Variants in PIWIL3 observed in about 807,000 individuals in gnomAD.
The protein encoded by PIWIL3 is piwi like RNA-mediated gene silencing 3, also known as piwi-like protein 3.
PIWIL3 carries 101 observed loss-of-function variants against 109.7 expected under a neutral mutation model. The ratio of observed to expected loss-of-function variants is 0.92; its 90% confidence interval spans 0.78 to 1.09. PIWIL3 has a LOEUF of 1.09. Among genes scored for constraint, PIWIL3 ranks in the 50% least tolerant of loss-of-function variants. The pLI, the probability that PIWIL3 is intolerant of heterozygous loss-of-function variation, is 0.00. For synonymous variants in PIWIL3, 373 were observed against 376.4 expected (o/e 0.99, Z 0.10); for missense variants, 1,031 against 1,072.6 (o/e 0.96, Z 0.54).
intron 20 of PIWIL3, 76 bp downstream of exon 20, chr22:24,719,672 T>A: frequency 6.5e-7 from 1 of 1,545,602 alleles, no homozygotes; most frequent in African/African-American, 1.4e-5. Flanking sequence ...AGAAGCCAGT[T>A]CAGAGGTCCA....
At chr22:24,748,709 T>A (rs12159250) in intron 12 of PIWIL3, among the ~76,000 whole-genome samples, 198 bp downstream of exon 12, 1 of 152,192 alleles carries the variant, frequency 6.6e-6, no homozygotes, top group Non-Finnish European at 1.5e-5. Flanking sequence ...ATTAATTAGA[T>A]AGACATAATA....
intron 12 of PIWIL3, among the ~76,000 whole-genome samples, chr22:24,748,528 A>G (rs888859295): frequency 3.9e-5 from 6 of 152,242 alleles, no homozygotes; most frequent in African/African-American, 1.4e-4. Flanking sequence ...TACCACATGT[A>G]ACCCATAAAT....
chr22:24,719,796 TG>T lies in PIWIL3; in HGVS notation c.2456del (p.Thr819LysfsTer5). On this transcript the variant is annotated frameshift_variant, in exon 20 of 21. Transcript: ENST00000616349. LOFTEE classifies it low-confidence loss of function (END_TRUNC). ...ATAGACAATATGTTAAACGCTGTACTGTATCTGGGCTCAAGCCAATCGTGTC... is the reference window on the plus strand; with the variant it reads ...ATAGACAATATGTTAAACGCTGTACTTATCTGGGCTCAAGCCAATCGTGTC... Reference protein sequence around the residue: ...IYDTIGLSPDTVQRLTYCLCH... With the variant: ...IYDTIGLSPDXVQRLTYCLCH... 1 of 1,613,328 alleles carries T rather than the reference TG, an allele frequency of 6.2e-7. No homozygotes were observed. Among genetic ancestry groups the T allele is most frequent in the Non-Finnish European group, 8.5e-7 (1 of 1,179,248 alleles).
rs201839278 is a variant in PIWIL3 at position 24,734,838 on chromosome 22, G to GA, written c.1635-683dup. On this transcript the variant is annotated intron_variant, in intron 13 of 20. Transcript: ENST00000616349. ...AACATAACTTTTTTTTTTTTTTTTAGAAAAAAAAACCAAAAAAAACAACGT... is the reference window on the plus strand; with the variant it reads ...AACATAACTTTTTTTTTTTTTTTTAGAAAAAAAAAACCAAAAAAAACAACGT... Among the ~76,000 whole-genome samples, 494 of 121,808 alleles carry GA rather than the reference G, an allele frequency of 4.1e-3. 6 individuals carry two copies. The highest frequency in any genetic ancestry group is 6.8e-3 in the Admixed American group (84 of 12,298). 79.9% of individuals were successfully genotyped at this position (121,808 alleles called of 152,430 possible). A position where few individuals can be genotyped will look rare whatever the true frequency, so the allele number is the denominator to read the frequency against.
chr22:24,757,690 ACAC>A (rs1925167137), intron 4 of PIWIL3, among the ~76,000 whole-genome samples: 1 of 132,776 alleles, frequency 7.5e-6, no homozygotes, highest in African/African-American at 3.0e-5. Flanking sequence ...ACACACACAC[ACAC>A]ACACACATTC....
intron 12 of PIWIL3, among the ~76,000 whole-genome samples, chr22:24,747,253 T>C (rs1251700775): frequency 1.3e-5 from 2 of 151,876 alleles, no homozygotes; most frequent in African/African-American, 2.4e-5. Context: ...TGTATATCCA[T>C]ATGCGGAAGA....
At chr22:24,721,174 A>C (rs1251281680) in intron 19 of PIWIL3, among the ~76,000 whole-genome samples, 1 of 152,060 alleles carries the variant, frequency 6.6e-6, no homozygotes, top group East Asian at 1.9e-4. Flanking sequence ...TTTCACTGTC[A>C]CCCTTGATAA....
intron 1 of PIWIL3, among the ~76,000 whole-genome samples, chr22:24,769,080 A>C (rs5760630): frequency 0.47 from 71,156 of 151,952 alleles, 17,065 homozygotes; most frequent in East Asian, 0.59. Context: ...TCCACAGTCT[A>C]CCGCTGATAC....
intron 1 of PIWIL3, among the ~76,000 whole-genome samples, 193 bp downstream of exon 1, chr22:24,774,129 C>T (rs1308133614): frequency 2.6e-5 from 4 of 152,100 alleles, no homozygotes; most frequent in African/African-American, 9.7e-5. Flanking sequence ...AACTTTTTTT[C>T]CTTTCCCCTT....
In PIWIL3 at chr22:24,755,781, T is replaced by G; in HGVS notation, c.692+3A>C. 6.2e-7 allele frequency: 1 copy of G among 1,613,856 alleles called. No individual in the cohort carries two copies. The highest frequency in any genetic ancestry group is 8.5e-7 in the Non-Finnish European group (1 of 1,179,844). ...TCAAAGAAACTCAACCCCGGTAACA[T>G]ACCTTCTAAAGAGAATGTTGTAATA... On this transcript the variant is annotated splice_donor_region_variant and intron_variant, in intron 6 of 20. Transcript: ENST00000616349.
At chr22:24,770,094 T>G in intron 1 of PIWIL3, among the ~76,000 whole-genome samples, 1 of 152,220 alleles carries the variant, frequency 6.6e-6, no homozygotes, top group East Asian at 1.9e-4. Context: ...TGCAGCTTGT[T>G]GAGCCACCCT....
At chr22:24,726,314 GCT>G (rs1035393519) in intron 16 of PIWIL3, among the ~76,000 whole-genome samples, 7 of 148,934 alleles carry the variant, frequency 4.7e-5, no homozygotes, top group Non-Finnish European at 7.4e-5. Flanking sequence ...ACGGAGTCTC[GCT>G]CTGTCACCCA....
At chr22:24,763,083 G>GC (rs897760773) in intron 1 of PIWIL3, among the ~76,000 whole-genome samples, 4 of 151,562 alleles carry the variant, frequency 2.6e-5, no homozygotes, top group Non-Finnish European at 5.9e-5. Flanking sequence ...AAGACTGACT[G>GC]CCCCCCGAGT....
intron 12 of PIWIL3, among the ~76,000 whole-genome samples, chr22:24,743,312 T>C (rs561561853): frequency 1.3e-5 from 2 of 152,236 alleles, no homozygotes; most frequent in East Asian, 1.9e-4. Context: ...GACTACAAGA[T>C]CTACCATTTG....
At chr22:24,721,881 A>T (rs1922694400) in intron 19 of PIWIL3, among the ~76,000 whole-genome samples, 1 of 152,184 alleles carries the variant, frequency 6.6e-6, no homozygotes, top group Non-Finnish European at 1.5e-5. Flanking sequence ...GCATCCTCAT[A>T]ACAAGAAAAA....
At chr22:24,741,240 C>T (rs759924943) in intron 12 of PIWIL3, among the ~76,000 whole-genome samples, 8 of 152,168 alleles carry the variant, frequency 5.3e-5, no homozygotes, top group East Asian at 1.9e-4. Flanking sequence ...CATGGCCAGG[C>T]GCGGTGGCTC....
chr22:24,760,367 C>T (rs1212958242), intron 2 of PIWIL3, among the ~76,000 whole-genome samples: 31 of 152,096 alleles, frequency 2.0e-4, no homozygotes, highest in Admixed American at 2.0e-3. Context: ...GAGCAGAGTT[C>T]TGCAGTTGGG....
At chr22:24,756,011 G>A (rs1182442877) in intron 5 of PIWIL3, 106 bp from the exon 6 acceptor site, 8 of 1,213,404 alleles carry the variant, frequency 6.6e-6, no homozygotes, top group Non-Finnish European at 9.3e-6. Context: ...ACACACCATC[G>A]TGATGGAGCA....
At chr22:24,726,687 A>C (rs1923021203) in intron 16 of PIWIL3, among the ~76,000 whole-genome samples, 1 of 152,260 alleles carries the variant, frequency 6.6e-6, no homozygotes, top group African/African-American at 2.4e-5. Context: ...CTGTTGAATA[A>C]TTGAAAGTAT....
Sources: allele counts gnomAD v4.1 joint callset (sites outside exome capture counted in the v4.1 genomes callset), GRCh38; gene constraint gnomAD v4.1.1; transcripts MANE v1.5; gene names NCBI Gene and HGNC (gene_info 2026-07-23, HGNC 2026-07-21).